The following CDH13 variants were observed in gnomAD, a reference collection of about 807,000 sequenced individuals.
CDH13 encodes cadherin-13.
Under a neutral mutation model 63.8 loss-of-function variants are expected in CDH13, and 24 were observed. The ratio of observed to expected loss-of-function variants is 0.38; its 90% CI spans 0.27 to 0.53. The LOEUF (loss-of-function observed/expected upper bound fraction) is 0.53. Among genes scored for constraint, CDH13 ranks in the 20% least tolerant of loss-of-function variants. The pLI is 0.85. For synonymous variants in CDH13, 503 were observed against 355.3 expected (o/e 1.42, Z -4.67); for missense variants, 1,049 against 903.1 (o/e 1.16, Z -2.07).
At chr16:83,617,514 A>G (rs963444579) in intron 8 of CDH13, among the ~76,000 whole-genome samples, 2 of 151,630 alleles carry the variant, frequency 1.3e-5, no homozygotes, top group Admixed American at 1.3e-4. Flanking sequence ...TAATATGCAC[A>G]TATTCTAATA....
At chr16:82,935,042 C>T (rs2151300555) in intron 2 of CDH13, among the ~76,000 whole-genome samples, 1 of 152,270 alleles carries the variant, frequency 6.6e-6, no homozygotes, top group Non-Finnish European at 1.5e-5. Context: ...TACCAATTTG[C>T]TTTATTAGTC....
At chr16:83,002,101 G>A (rs895933816) in intron 2 of CDH13, among the ~76,000 whole-genome samples, 1 of 152,204 alleles carries the variant, frequency 6.6e-6, no homozygotes, top group South Asian at 2.1e-4. Context: ...TGGGTTGAAT[G>A]TCGGCCCCAA....
chr16:83,601,138 G>A (rs1173142040), intron 7 of CDH13, among the ~76,000 whole-genome samples: 1 of 152,146 alleles, frequency 6.6e-6, no homozygotes. Flanking sequence ...TCAATCGGTA[G>A]GAGATAGAGA....
chr16:83,626,634 A>C (rs1024345099), intron 8 of CDH13, among the ~76,000 whole-genome samples: 1 of 151,080 alleles, frequency 6.6e-6, no homozygotes, highest in Admixed American at 6.6e-5. Flanking sequence ...ACTGAACTCA[A>C]CGTTGTCCTC....
chr16:82,762,677 T>G (rs2034898567), intron 1 of CDH13, among the ~76,000 whole-genome samples: 1 of 152,194 alleles, frequency 6.6e-6, no homozygotes, highest in Non-Finnish European at 1.5e-5. Flanking sequence ...ACAGTGGGCG[T>G]ACTGGACTTC....
At chr16:82,772,703 A>G (rs776855856) in intron 1 of CDH13, among the ~76,000 whole-genome samples, 4 of 152,224 alleles carry the variant, frequency 2.6e-5, no homozygotes, top group Admixed American at 6.5e-5. Context: ...CACTCTAACT[A>G]TTATTATCAT....
chr16:83,080,651 G>A (rs2033165122), intron 3 of CDH13, among the ~76,000 whole-genome samples: 1 of 152,034 alleles, frequency 6.6e-6, no homozygotes, highest in East Asian at 1.9e-4. Flanking sequence ...AGAGTCTTGT[G>A]CCATTATATC....
chr16:82,737,756 C>T (rs977388629), intron 1 of CDH13, among the ~76,000 whole-genome samples: 1 of 152,176 alleles, frequency 6.6e-6, no homozygotes. Flanking sequence ...CCTCTATAAA[C>T]TCTAGGTTCT....
chr16:82,831,869 C>T (rs1279151324), intron 1 of CDH13, among the ~76,000 whole-genome samples: 1 of 152,138 alleles, frequency 6.6e-6, no homozygotes, highest in Non-Finnish European at 1.5e-5. Flanking sequence ...CAGGAAACAA[C>T]CATATCTAGG....
chr16:82,908,451 C>T lies in CDH13; in HGVS notation c.157+49978C>T, dbSNP rs555198269. Among the ~76,000 whole-genome samples, 161 of 152,214 alleles carry T rather than the reference C, an allele frequency of 1.1e-3. 1 individual carries two copies. The highest frequency in any genetic ancestry group is 3.6e-3 in the African/African-American group (151 of 41,516). ...TTACCTTTGTACAATGGACATGGCA[C>T]CCCAGGTTAACACAGGGGCCACCTG... On this transcript the variant is annotated intron_variant, in intron 2 of 13. Transcript: ENST00000567109.
chr16:83,036,781 C>T (rs1321296420), intron 3 of CDH13, among the ~76,000 whole-genome samples: 1 of 152,162 alleles, frequency 6.6e-6, no homozygotes, highest in Non-Finnish European at 1.5e-5. Context: ...AATTCATCTT[C>T]TCATTCTCAG....
intron 7 of CDH13, among the ~76,000 whole-genome samples, chr16:83,490,360 CT>C (rs1282489548): frequency 2.0e-5 from 3 of 152,134 alleles, no homozygotes; most frequent in African/African-American, 7.2e-5. Context: ...TATAGATTCA[CT>C]TTGTAACAAG....
At chr16:83,227,558 C>G (rs903871913) in intron 5 of CDH13, among the ~76,000 whole-genome samples, 3 of 152,170 alleles carry the variant, frequency 2.0e-5, no homozygotes, top group African/African-American at 7.2e-5. Flanking sequence ...TCCGTGTTAC[C>G]CATCTCGATT....
chr16:83,795,017 A>G lies in CDH13; in HGVS notation c.2135-6A>G, dbSNP rs774427272. The G allele has an allele frequency of 4.0e-5, 64 of 1,594,824 alleles. No individual in the cohort carries two copies. The South Asian group carries it at 5.9e-4, about 15-fold the overall frequency. On this transcript the variant is annotated splice_region_variant and splice_polypyrimidine_tract_variant and intron_variant, in intron 13 of 13. Transcript: ENST00000567109. ...CCCGACTTAACTCTGAACCCTCTCTATTCAGGTCTGTGAGAACTCCTGACG... is the reference window on the plus strand; with the variant it reads ...CCCGACTTAACTCTGAACCCTCTCTGTTCAGGTCTGTGAGAACTCCTGACG...
At chr16:83,239,471 G>A (rs1904297407) in intron 5 of CDH13, among the ~76,000 whole-genome samples, 1 of 152,112 alleles carries the variant, frequency 6.6e-6, no homozygotes, top group South Asian at 2.1e-4. Flanking sequence ...ACACCAGGAG[G>A]GTCTTACTTC....
At chr16:83,692,571 G>A (rs1322355925) in intron 10 of CDH13, among the ~76,000 whole-genome samples, 1 of 152,160 alleles carries the variant, frequency 6.6e-6, no homozygotes, top group Admixed American at 6.5e-5. Flanking sequence ...ATTGCCTTAA[G>A]GAGAACAAGG....
intron 5 of CDH13, among the ~76,000 whole-genome samples, chr16:83,293,151 T>C (rs903178829): frequency 1.3e-5 from 2 of 152,188 alleles, no homozygotes; most frequent in South Asian, 2.1e-4. Flanking sequence ...CAACAGAATA[T>C]GCATTGGGCT....
intron 3 of CDH13, among the ~76,000 whole-genome samples, chr16:83,093,815 A>G (rs1215804708): frequency 6.6e-6 from 1 of 152,240 alleles, no homozygotes; most frequent in Non-Finnish European, 1.5e-5. Context: ...TAAGACAAGA[A>G]AATAAATGGA....
At chr16:83,301,270 A>G (rs1013100886) in intron 5 of CDH13, among the ~76,000 whole-genome samples, 3 of 151,752 alleles carry the variant, frequency 2.0e-5, no homozygotes, top group African/African-American at 7.3e-5. Context: ...TGACCTCATG[A>G]TCCGCCCGCC....
Sources: allele counts gnomAD v4.1 joint callset (sites outside exome capture counted in the v4.1 genomes callset), GRCh38; gene constraint gnomAD v4.1.1; transcripts MANE v1.5; gene names NCBI Gene and HGNC (gene_info 2026-07-23, HGNC 2026-07-21).